TMEM217: variants seen among roughly 807,000 people sequenced by gnomAD.
TMEM217 encodes the protein chromosome 6 open reading frame 128.
For missense variants in TMEM217, 204 were observed against 248.8 expected (o/e 0.82, Z 1.21); for synonymous variants, 76 against 88.3 (o/e 0.86, Z 0.78).
chr6:37,244,787 T>G (rs1467389083), intron 1 of TMEM217, among the ~76,000 whole-genome samples: 1 of 152,250 alleles, frequency 6.6e-6, no homozygotes. Flanking sequence ...TGGGCTGAGC[T>G]GAGCTGATCT....
intron 1 of TMEM217, among the ~76,000 whole-genome samples, chr6:37,254,297 C>A (rs1765599822): frequency 2.0e-5 from 3 of 152,136 alleles, no homozygotes; most frequent in Non-Finnish European, 4.4e-5. Flanking sequence ...CAAGAAGGAC[C>A]TCCATCAGAA....
chr6:37,241,927 G>C (rs1463649355), intron 1 of TMEM217, among the ~76,000 whole-genome samples: 1 of 151,666 alleles, frequency 6.6e-6, no homozygotes, highest in African/African-American at 2.4e-5. Flanking sequence ...TGGCTTTATC[G>C]CGTTGTCTTT....
At chr6:37,229,377 C>A (rs898976471) in intron 1 of TMEM217, among the ~76,000 whole-genome samples, 1 of 122,936 alleles carries the variant, frequency 8.1e-6, no homozygotes, top group Non-Finnish European at 1.6e-5. Flanking sequence ...GTGTCTCGCT[C>A]TGTCGCCCAG....
intron 1 of TMEM217, among the ~76,000 whole-genome samples, chr6:37,228,895 G>A (rs1476330299): frequency 6.6e-6 from 1 of 151,510 alleles, no homozygotes; most frequent in Non-Finnish European, 1.5e-5. Context: ...TACTCAGGAG[G>A]CCGAGGCAGG....
At chr6:37,216,129 A>T (rs1242957081), downstream of TMEM217, among the ~76,000 whole-genome samples, 2 of 152,052 alleles carry the variant, frequency 1.3e-5, no homozygotes, top group Non-Finnish European at 2.9e-5. Flanking sequence ...CCCAGGCTGC[A>T]GTGCAGTGGT....
chr6:37,235,311 C>T (rs914452055), intron 1 of TMEM217, among the ~76,000 whole-genome samples: 5 of 152,144 alleles, frequency 3.3e-5, no homozygotes, highest in African/African-American at 1.2e-4. Flanking sequence ...ATTTATGCTG[C>T]TATAACAGAA....
In TMEM217 at chr6:37,255,289, T is replaced by C. The variant is rs541330525; in HGVS notation, c.-12+2279A>G. ...TGGAGAGGTGAGTGGAGCCAAGTCATGTAGGGTCTTTAAGGAGCTTGGATT... is the reference window on the plus strand; with the variant it reads ...TGGAGAGGTGAGTGGAGCCAAGTCACGTAGGGTCTTTAAGGAGCTTGGATT... On this transcript the variant is annotated intron_variant, in intron 1 of 1. Transcript: ENST00000357219. Among the ~76,000 whole-genome samples, 6 of 152,114 alleles carry C rather than the reference T, an allele frequency of 3.9e-5. No homozygotes were observed. In the South Asian group the frequency reaches 8.3e-4, roughly 21 times the overall value.
intron 1 of TMEM217, among the ~76,000 whole-genome samples, chr6:37,233,121 C>T (rs1764294282): frequency 6.6e-6 from 1 of 152,162 alleles, no homozygotes; most frequent in African/African-American, 2.4e-5. Context: ...TCTTTTGGGG[C>T]TGCTCAAACT....
At chr6:37,234,411 T>C (rs1755653729) in intron 1 of TMEM217, among the ~76,000 whole-genome samples, 1 of 152,188 alleles carries the variant, frequency 6.6e-6, no homozygotes, top group Non-Finnish European at 1.5e-5. Context: ...CTTAGATGCA[T>C]TTTTGACTTA....
chr6:37,215,570 C>CGAAAAAAA (rs1763146807), downstream of TMEM217, among the ~76,000 whole-genome samples: 1 of 72,376 alleles, frequency 1.4e-5, no homozygotes, highest in African/African-American at 6.0e-5. Context: ...GACTCTGTCT[C>CGAAAAAAA]AAAAAAAAAA....
At chr6:37,218,281 GTC>G (rs1016022148) in exon 2 of TMEM217, 12 of 1,216,940 alleles carry the variant, frequency 9.9e-6, no homozygotes, top group African/African-American at 1.5e-5. Context: ...TGATTCTCCA[GTC>G]TCAGCCTCTC....
downstream of TMEM217, among the ~76,000 whole-genome samples, chr6:37,213,694 G>T (rs555693787): frequency 1.3e-3 from 193 of 152,366 alleles, 1 homozygote; most frequent in African/African-American, 4.3e-3. Context: ...ATGGCAGGGA[G>T]CAGGAACCTG....
intron 1 of TMEM217, among the ~76,000 whole-genome samples, 194 bp downstream of exon 1, chr6:37,257,374 A>T (rs1203473476): frequency 1.3e-5 from 2 of 152,230 alleles, no homozygotes; most frequent in Admixed American, 1.3e-4. Flanking sequence ...GGAGGGTAAT[A>T]ACCAGAGTGT....
intron 1 of TMEM217, among the ~76,000 whole-genome samples, chr6:37,221,346 C>T (rs557736482): frequency 1.3e-3 from 196 of 152,232 alleles, no homozygotes; most frequent in Non-Finnish European, 2.4e-3. Flanking sequence ...ACCACCACAC[C>T]TGGCTAATTT....
intron 1 of TMEM217, among the ~76,000 whole-genome samples, chr6:37,245,013 G>A (rs1484968742): frequency 6.6e-6 from 1 of 152,196 alleles, no homozygotes. Context: ...CAATGGCAGA[G>A]AGCAACAGTG....
chr6:37,216,490 G>T (rs559639640), downstream of TMEM217, among the ~76,000 whole-genome samples: 31 of 152,294 alleles, frequency 2.0e-4, no homozygotes, highest in African/African-American at 7.5e-4. Flanking sequence ...GAAATAAGGT[G>T]AAGTAAGGCA....
In TMEM217 at chr6:37,249,302, ATTC is replaced by A. The variant is rs576424238; in HGVS notation, c.-12+8263_-12+8265del. On this transcript the variant is annotated intron_variant, in intron 1 of 1. Coordinates refer to ENST00000357219, the Ensembl canonical transcript of TMEM217. ...AAGGAAGAAATGAATATTTCTTTTC[ATTC>A]TTCTTCTTCTTCTTCTTCTTTTTTT... Among the ~76,000 whole-genome samples the A allele has an allele frequency of 5.4e-3, 814 of 151,748 alleles. 10 individuals carry two copies. Among genetic ancestry groups the A allele is most frequent in the African/African-American group, 0.018 (735 of 41,414 alleles).
intron 1 of TMEM217, among the ~76,000 whole-genome samples, chr6:37,254,738 G>C (rs1171865158): frequency 1.3e-5 from 2 of 152,120 alleles, no homozygotes; most frequent in Non-Finnish European, 2.9e-5. Context: ...CTAGGTGCTG[G>C]GGATACAGCA....
intron 1 of TMEM217, among the ~76,000 whole-genome samples, chr6:37,229,335 GTTTTTTTTTTTT>G (rs372385535): frequency 1.3e-5 from 1 of 74,368 alleles, no homozygotes; most frequent in Admixed American, 2.3e-4. Context: ...GCAACTTTCA[GTTTTTTTTTTTT>G]TTTTTTTTTT....
Sources: allele counts gnomAD v4.1 joint callset (sites outside exome capture counted in the v4.1 genomes callset), GRCh38; gene constraint gnomAD v4.1.1; transcripts MANE v1.5; gene names NCBI Gene and HGNC (gene_info 2026-07-23, HGNC 2026-07-21).